RBFOX1: variants seen among roughly 807,000 people sequenced by gnomAD.
The protein encoded by RBFOX1 is RNA binding protein fox-1 homolog 1.
A neutral mutation model predicts 57.7 loss-of-function variants in RBFOX1; 8 were observed. The ratio of observed to expected loss-of-function variants is 0.14; its 90% CI spans 0.08 to 0.25. The LOEUF (loss-of-function observed/expected upper bound fraction) is 0.25. Ranked by LOEUF, RBFOX1 falls within the 10% of genes least tolerant of loss-of-function variation. The pLI is 1.00. For synonymous variants in RBFOX1, 326 were observed against 222.4 expected, an observed-to-expected ratio of 1.47 and a Z score of -4.15; for missense variants, 611 against 548.5, an observed-to-expected ratio of 1.11 and a Z score of -1.14.
chr16:7,322,760 C>T (rs563225731), intron 4 of RBFOX1, among the ~76,000 whole-genome samples: 5 of 152,268 alleles, frequency 3.3e-5, no homozygotes, highest in Non-Finnish European at 7.4e-5. Flanking sequence ...AGAAATCAGC[C>T]CTTGAGGTGG....
At chr16:6,880,368 T>G (rs1204393557) in intron 3 of RBFOX1, among the ~76,000 whole-genome samples, 2 of 152,196 alleles carry the variant, frequency 1.3e-5, no homozygotes, top group Non-Finnish European at 2.9e-5. Flanking sequence ...TATTATACTT[T>G]CCACTTCAGT....
intron 3 of RBFOX1, among the ~76,000 whole-genome samples, chr16:5,727,401 A>T (rs2052192047): frequency 6.6e-6 from 1 of 152,252 alleles, no homozygotes; most frequent in Non-Finnish European, 1.5e-5. Flanking sequence ...AAGGTGTACG[A>T]TGTGATGCTC....
In RBFOX1 at chr16:7,369,019, G is replaced by A. The variant is rs117325075; in HGVS notation, c.28-149128G>A. On this transcript the variant is annotated intron_variant, in intron 4 of 15. Transcript: ENST00000550418. ...AAGTGCTAGATGATCCTCCTGGCTCGAACAGGATGATGGTGAAGAGATAGC... is the reference window on the plus strand; with the variant it reads ...AAGTGCTAGATGATCCTCCTGGCTCAAACAGGATGATGGTGAAGAGATAGC... 1.1e-3 allele frequency among the ~76,000 whole-genome samples: 166 copies of A among 152,064 alleles called. 4 individuals are homozygous for A. In the East Asian group the frequency reaches 0.028, roughly 26 times the overall value.
At chr16:7,498,428 A>G (rs1207885762) in intron 4 of RBFOX1, among the ~76,000 whole-genome samples, 1 of 146,790 alleles carries the variant, frequency 6.8e-6, no homozygotes, top group Non-Finnish European at 1.5e-5. Context: ...GGTCACAAAT[A>G]TGAATCACAT....
At chr16:6,495,021 C>T (rs1206943072) in intron 2 of RBFOX1, among the ~76,000 whole-genome samples, 1 of 152,152 alleles carries the variant, frequency 6.6e-6, no homozygotes, top group East Asian at 1.9e-4. Flanking sequence ...GTAACTTGCC[C>T]AAGATTATAC....
intron 4 of RBFOX1, among the ~76,000 whole-genome samples, chr16:7,281,884 A>G (rs770741145): frequency 6.6e-5 from 10 of 152,040 alleles, no homozygotes; most frequent in Non-Finnish European, 1.3e-4. Context: ...TTTCCTAGAA[A>G]AGGTCTTACT....
intron 2 of RBFOX1, among the ~76,000 whole-genome samples, chr16:6,489,977 CT>C: frequency 6.6e-6 from 1 of 152,292 alleles, no homozygotes; most frequent in Admixed American, 6.5e-5. Context: ...AAACTTAAGT[CT>C]TTGCTTTCTG....
intron 5 of RBFOX1, among the ~76,000 whole-genome samples, chr16:7,541,549 A>T (rs777512395): frequency 6.6e-6 from 1 of 152,092 alleles, no homozygotes. Context: ...GTCCGTTTGC[A>T]TTGAAAATCC....
At chr16:5,962,873 G>A (rs2059777056) in intron 4 of RBFOX1, among the ~76,000 whole-genome samples, 1 of 148,480 alleles carries the variant, frequency 6.7e-6, no homozygotes, top group Non-Finnish European at 1.5e-5. Context: ...GTCGCCTTGA[G>A]AGAAAGAATT....
At chr16:5,609,131 G>C (rs1467406431) in intron 3 of RBFOX1, among the ~76,000 whole-genome samples, 2 of 152,172 alleles carry the variant, frequency 1.3e-5, no homozygotes, top group African/African-American at 4.8e-5. Context: ...AAAATTATTG[G>C]AGGGAGGGGA....
At chr16:7,303,783 G>C (rs181861924) in intron 4 of RBFOX1, among the ~76,000 whole-genome samples, 16 of 130,178 alleles carry the variant, frequency 1.2e-4, no homozygotes, top group African/African-American at 1.7e-4. Flanking sequence ...CTCTCTCTCT[G>C]TCTCTCCCCT....
At chr16:5,887,509 C>T (rs183771619) in intron 4 of RBFOX1, among the ~76,000 whole-genome samples, 27 of 152,346 alleles carry the variant, frequency 1.8e-4, no homozygotes, top group Admixed American at 1.8e-3. Flanking sequence ...TCAAGCAATT[C>T]TCCTGCCTTA....
chr16:7,373,477 C>T (rs540830787), intron 4 of RBFOX1, among the ~76,000 whole-genome samples: 60 of 152,140 alleles, frequency 3.9e-4, no homozygotes, highest in Admixed American at 7.2e-4. Flanking sequence ...CCGTTCTCTC[C>T]TGGCAGAATA....
chr16:5,646,666 G>C lies in RBFOX1; in HGVS notation c.318+47705G>C, dbSNP rs144473883. On this transcript the variant is annotated intron_variant, in intron 3 of 19. Coordinates refer to the RBFOX1 transcript ENST00000641259. ...TTTTATTTTTTTGAGATGGAGTCTCGCTTTGTCACCCAGGCTGGAGTGCTT... is the reference window on the plus strand; with the variant it reads ...TTTTATTTTTTTGAGATGGAGTCTCCCTTTGTCACCCAGGCTGGAGTGCTT... 2.4e-3 allele frequency among the ~76,000 whole-genome samples: 363 copies of C among 152,102 alleles called. 11 individuals are homozygous for C. The East Asian group carries it at 0.067, about 28-fold the overall frequency.
intron 3 of RBFOX1, among the ~76,000 whole-genome samples, chr16:6,772,166 C>T (rs62016077): frequency 6.6e-6 from 1 of 151,820 alleles, no homozygotes; most frequent in African/African-American, 2.4e-5. Context: ...CCGGTGTGGG[C>T]AAAGAGGAAT....
At chr16:7,634,032 A>C (rs558975241) in intron 11 of RBFOX1, among the ~76,000 whole-genome samples, 2 of 152,180 alleles carry the variant, frequency 1.3e-5, no homozygotes, top group Non-Finnish European at 2.9e-5. Context: ...ATTCATGGTC[A>C]TCCAGGATTT....
chr16:6,601,505 C>A (rs937401235), intron 2 of RBFOX1, among the ~76,000 whole-genome samples: 2 of 152,088 alleles, frequency 1.3e-5, no homozygotes, highest in East Asian at 1.9e-4. Context: ...GCTATACCAG[C>A]GTAAGGATCC....
At chr16:7,303,611 G>T in intron 4 of RBFOX1, among the ~76,000 whole-genome samples, 1 of 152,068 alleles carries the variant, frequency 6.6e-6, no homozygotes, top group Non-Finnish European at 1.5e-5. Context: ...GAAGGGGAGG[G>T]AAGGAAAAAA....
intron 4 of RBFOX1, among the ~76,000 whole-genome samples, chr16:7,453,352 A>G (rs1365718606): frequency 1.3e-5 from 2 of 152,088 alleles, no homozygotes; most frequent in Admixed American, 1.3e-4. Flanking sequence ...CATTGTCCTC[A>G]TAGTTGAGCT....
Sources: allele counts gnomAD v4.1 joint callset (sites outside exome capture counted in the v4.1 genomes callset), GRCh38; gene constraint gnomAD v4.1.1; transcripts MANE v1.5; gene names NCBI Gene and HGNC (gene_info 2026-07-23, HGNC 2026-07-21).